Variants in TTC28 observed in about 807,000 individuals in gnomAD.
TTC28 encodes the protein tetratricopeptide repeat domain 28, also known as tetratricopeptide repeat protein 28.
TTC28 carries 61 observed loss-of-function variants against 198.0 expected under a neutral mutation model. That is an observed-to-expected ratio of 0.31 (90% CI 0.25 to 0.38). The LOEUF is 0.38. Ranked by LOEUF, TTC28 falls within the 10% of genes least tolerant of loss-of-function variation. The pLI is 1.00. For missense variants in TTC28, 2,678 were observed against 3,164.0 expected (o/e 0.85, Z 3.69); for synonymous variants, 1,171 against 1,297.8 (o/e 0.90, Z 2.10).
At chr22:28,057,089 C>T (rs887908310) in intron 12 of TTC28, among the ~76,000 whole-genome samples, 1 of 152,152 alleles carries the variant, frequency 6.6e-6, no homozygotes, top group Non-Finnish European at 1.5e-5. Flanking sequence ...ATGAATAAAG[C>T]TGCTAATGAC....
intron 21 of TTC28, chr22:27,985,690 A>G (rs994598374): frequency 4.4e-6 from 1 of 226,030 alleles, no homozygotes; most frequent in Non-Finnish European, 9.3e-6. Flanking sequence ...TTTTTTTCAC[A>G]GAAGTACAGT....
chr22:28,285,619 T>C (rs2044669770), intron 5 of TTC28, among the ~76,000 whole-genome samples: 1 of 152,208 alleles, frequency 6.6e-6, no homozygotes, highest in Non-Finnish European at 1.5e-5. Context: ...TGTTAATCAA[T>C]TTGATTGTGG....
At chr22:28,652,139 C>A (rs1315937184) in intron 1 of TTC28, among the ~76,000 whole-genome samples, 5 of 152,246 alleles carry the variant, frequency 3.3e-5, no homozygotes, top group Non-Finnish European at 5.9e-5. Context: ...TGTGCCTGGC[C>A]TGAATTTAGC....
chr22:28,226,659 C>T (rs1408125073), intron 5 of TTC28, among the ~76,000 whole-genome samples: 1 of 152,152 alleles, frequency 6.6e-6, no homozygotes, highest in Non-Finnish European at 1.5e-5. Flanking sequence ...AACTCCTGAC[C>T]TCAAGTGATC....
chr22:28,436,946 G>A (rs542968575), intron 2 of TTC28, among the ~76,000 whole-genome samples: 8 of 152,184 alleles, frequency 5.3e-5, no homozygotes, highest in South Asian at 4.2e-4. Flanking sequence ...ACTACAATAC[G>A]CCACAACACA....
chr22:28,431,295 A>T (rs925731007), intron 2 of TTC28, among the ~76,000 whole-genome samples: 1 of 150,474 alleles, frequency 6.6e-6, no homozygotes, highest in Non-Finnish European at 1.5e-5. Context: ...TTTGATTTTT[A>T]AAATTATTCT....
intron 2 of TTC28, among the ~76,000 whole-genome samples, chr22:28,476,313 TTATGTA>T (rs2048166393): frequency 6.6e-6 from 1 of 152,216 alleles, no homozygotes; most frequent in Admixed American, 6.5e-5. Context: ...CATTTTCCCC[TTATGTA>T]TAACGTTGTG....
intron 1 of TTC28, among the ~76,000 whole-genome samples, chr22:28,648,388 C>T (rs1601662308): frequency 1.3e-5 from 2 of 152,248 alleles, no homozygotes; most frequent in Admixed American, 1.3e-4. Context: ...TTATACACTG[C>T]TGGTGGGAAT....
At chr22:28,275,960 G>A (rs1455079709) in intron 5 of TTC28, among the ~76,000 whole-genome samples, 1 of 152,008 alleles carries the variant, frequency 6.6e-6, no homozygotes, top group Non-Finnish European at 1.5e-5. Flanking sequence ...GGCTTTAGAG[G>A]ACAGTTTTAT....
intron 2 of TTC28, among the ~76,000 whole-genome samples, chr22:28,332,494 A>G (rs2045632547): frequency 6.6e-6 from 1 of 152,070 alleles, no homozygotes; most frequent in African/African-American, 2.4e-5. Flanking sequence ...TATTTTCAAA[A>G]TTATTATGAA....
At chr22:28,272,463 C>G (rs541191808) in intron 5 of TTC28, among the ~76,000 whole-genome samples, 147 of 152,240 alleles carry the variant, frequency 9.7e-4, no homozygotes, top group African/African-American at 2.7e-3. Flanking sequence ...TATCAGAGCC[C>G]TAGCTGTCTC....
At chr22:28,502,192 C>G in intron 2 of TTC28, among the ~76,000 whole-genome samples, 1 of 152,088 alleles carries the variant, frequency 6.6e-6, no homozygotes, top group East Asian at 1.9e-4. Context: ...AATGAAGTAC[C>G]AATATCTGCC....
rs535316789 is a variant in TTC28, at chr22:28,633,240, A to G, written c.103-3410T>C. Among the ~76,000 whole-genome samples, 221 of 151,062 alleles carry G rather than the reference A, an allele frequency of 1.5e-3. 2 individuals carry two copies. The highest frequency in any genetic ancestry group is 4.7e-4 in the Non-Finnish European group (32 of 67,824). On this transcript the variant is annotated intron_variant, in intron 1 of 22. Transcript: ENST00000397906. ...GGTTGCAGTGAGCCAAAATTGCACC[A>G]TTGCACTCCAGTCTGGGCAACAAGA...
chr22:28,339,431 C>T (rs1174059167), intron 2 of TTC28, among the ~76,000 whole-genome samples: 1 of 152,168 alleles, frequency 6.6e-6, no homozygotes, highest in Non-Finnish European at 1.5e-5. Flanking sequence ...CAGACAGGGA[C>T]ATTTAAGTCT....
Position 28,103,996 on chromosome 22 carries a change from A to T in TTC28, c.3307+1283T>A, listed in dbSNP as rs564138917. 2.0e-5 allele frequency among the ~76,000 whole-genome samples: 3 copies of T among 152,316 alleles called. No individual in the cohort carries two copies. In the East Asian group the frequency reaches 5.8e-4, roughly 29 times the overall value. ...GCCCCATGTGGATAGAAGCGGAGGTAGATAAGGTCTGGGAAGTGGCTTCCA... is the reference window on the plus strand; with the variant it reads ...GCCCCATGTGGATAGAAGCGGAGGTTGATAAGGTCTGGGAAGTGGCTTCCA... On this transcript the variant is annotated intron_variant, in intron 8 of 22. Transcript: ENST00000397906.
At chr22:28,064,789 G>C (rs1940688984) in intron 12 of TTC28, among the ~76,000 whole-genome samples, 1 of 152,124 alleles carries the variant, frequency 6.6e-6, no homozygotes, top group Non-Finnish European at 1.5e-5. Context: ...AAATGAGTGA[G>C]ACTATCTTGG....
chr22:28,327,838 G>A (rs984110704), intron 2 of TTC28, among the ~76,000 whole-genome samples: 1 of 152,092 alleles, frequency 6.6e-6, no homozygotes, highest in Non-Finnish European at 1.5e-5. Context: ...AACAGTAACC[G>A]TATCAGCTAC....
chr22:28,407,311 T>C (rs2047012067), intron 2 of TTC28, among the ~76,000 whole-genome samples: 1 of 152,182 alleles, frequency 6.6e-6, no homozygotes, highest in African/African-American at 2.4e-5. Flanking sequence ...AGCACAGCAA[T>C]ACTAACTTCC....
At chr22:28,541,548 C>T (rs1274636057) in intron 2 of TTC28, among the ~76,000 whole-genome samples, 1 of 152,236 alleles carries the variant, frequency 6.6e-6, no homozygotes, top group Non-Finnish European at 1.5e-5. Context: ...AAAACATCAA[C>T]AATGTCCACA....
Sources: gnomAD v4.1 joint callset for allele counts (sites outside exome capture counted in the v4.1 genomes callset) on GRCh38, gnomAD v4.1.1 for gene constraint, MANE v1.5 for transcripts, NCBI Gene and HGNC (gene_info 2026-07-23, HGNC 2026-07-21) for gene names.